SGCZ: variants seen among roughly 807,000 people sequenced by gnomAD.
SGCZ encodes the protein sarcoglycan zeta.
In SGCZ, 40 loss-of-function variants were observed where a neutral mutation model predicts 41.3. The ratio of observed to expected loss-of-function variants is 0.97; its 90% confidence interval spans 0.75 to 1.26. The LOEUF (loss-of-function observed/expected upper bound fraction) is 1.26, where lower values mean the gene tolerates loss of function less well. Among genes scored for constraint, SGCZ ranks in the 50% most tolerant of loss-of-function variants. The pLI, the probability that SGCZ is intolerant of heterozygous loss-of-function variation, is 0.00. For missense variants in SGCZ, 552 were observed against 369.8 expected (o/e 1.49, Z -4.04); for synonymous variants, 206 against 137.5 (o/e 1.50, Z -3.49).
chr8:14,950,728 C>G (rs992507281), intron 1 of SGCZ, among the ~76,000 whole-genome samples: 1 of 151,866 alleles, frequency 6.6e-6, no homozygotes, highest in Non-Finnish European at 1.5e-5. Context: ...CAAAGTAAAA[C>G]ATAAAGCAAT....
intron 1 of SGCZ, among the ~76,000 whole-genome samples, chr8:14,719,790 C>A (rs1348834627): frequency 6.6e-6 from 1 of 151,534 alleles, no homozygotes; most frequent in East Asian, 2.0e-4. Context: ...AAAATTTTCT[C>A]CCATTTTGTA....
chr8:14,692,442 T>C (rs1808829217), intron 1 of SGCZ, among the ~76,000 whole-genome samples: 1 of 152,096 alleles, frequency 6.6e-6, no homozygotes, highest in East Asian at 1.9e-4. Flanking sequence ...AATACCTACA[T>C]ACTATAATAC....
chr8:15,159,131 A>G (rs948845134), intron 1 of SGCZ, among the ~76,000 whole-genome samples: 5 of 152,190 alleles, frequency 3.3e-5, no homozygotes, highest in African/African-American at 4.8e-5. Flanking sequence ...TCAATGGCCA[A>G]TGATTTAATC....
chr8:14,204,282 T>TG (rs921285732), intron 4 of SGCZ, among the ~76,000 whole-genome samples: 1 of 150,596 alleles, frequency 6.6e-6, no homozygotes, highest in African/African-American at 2.4e-5. Flanking sequence ...CTCTGAATGT[T>TG]TTTTTTTTTT....
In SGCZ at chr8:14,495,373, T is replaced by A. The variant is rs952225009; in HGVS notation, c.234+59359A>T. 2.0e-5 allele frequency among the ~76,000 whole-genome samples: 3 copies of A among 152,180 alleles called. No individual in the cohort carries two copies. The East Asian group carries it at 5.8e-4, about 29-fold the overall frequency. ...TCTGCTGAATAAATTAGCATGCTTA[T>A]TGACATAACTGATTTGCAGACTGTA... On this transcript the variant is annotated intron_variant, in intron 2 of 7. Coordinates refer to ENST00000382080, the MANE Select transcript of SGCZ (RefSeq NM_139167.4).
intron 1 of SGCZ, among the ~76,000 whole-genome samples, chr8:14,825,288 G>A (rs750671047): frequency 2.6e-5 from 4 of 152,088 alleles, no homozygotes; most frequent in Non-Finnish European, 4.4e-5. Context: ...CTGTTCCTAT[G>A]TGTATCGTCA....
At chr8:14,098,827 T>C (rs1801924257) in intron 7 of SGCZ, among the ~76,000 whole-genome samples, 1 of 152,120 alleles carries the variant, frequency 6.6e-6, no homozygotes. Flanking sequence ...GAATCAAGCA[T>C]GAGCTATGGA....
At chr8:14,540,534 G>A (rs1171273229) in intron 2 of SGCZ, among the ~76,000 whole-genome samples, 4 of 151,086 alleles carry the variant, frequency 2.6e-5, no homozygotes, top group African/African-American at 9.7e-5. Flanking sequence ...GATTTTGGGG[G>A]TTGTTTCAAT....
In SGCZ at chr8:14,090,644, G is replaced by GA. The variant is rs777106851; in HGVS notation, c.745-8dup. On this transcript the variant is annotated splice_polypyrimidine_tract_variant and splice_region_variant and intron_variant, in intron 7 of 7. Coordinates refer to ENST00000382080, the MANE Select transcript of SGCZ (RefSeq NM_139167.4). ...TCTCTGCATTTAAAAATATCTATGG[G>GA]AAAAAAGAAATTGCATTTTAATTCA... The GA allele has an allele frequency of 3.7e-6, 6 of 1,603,484 alleles. No homozygotes were observed. The Admixed American group carries it at 5.2e-5, about 14-fold the overall frequency.
At chr8:14,426,842 G>C (rs1436719730) in intron 2 of SGCZ, among the ~76,000 whole-genome samples, 1 of 152,100 alleles carries the variant, frequency 6.6e-6, no homozygotes, top group Non-Finnish European at 1.5e-5. Context: ...TGAAGGGATT[G>C]AATGGATCAA....
At chr8:14,291,469 A>T (rs1221702828) in intron 3 of SGCZ, among the ~76,000 whole-genome samples, 1 of 151,984 alleles carries the variant, frequency 6.6e-6, no homozygotes, top group Admixed American at 6.6e-5. Flanking sequence ...AGATTGCCAA[A>T]TTTATTTGTG....
At chr8:14,985,370 C>T (rs546422886) in intron 1 of SGCZ, among the ~76,000 whole-genome samples, 38 of 152,118 alleles carry the variant, frequency 2.5e-4, no homozygotes, top group South Asian at 1.7e-3. Flanking sequence ...CTTTCTCTGA[C>T]GAAAGGAGAA....
chr8:14,806,990 A>T lies in SGCZ; in HGVS notation c.40-252064T>A, dbSNP rs1305191587. 2.6e-5 allele frequency among the ~76,000 whole-genome samples: 4 copies of T among 152,196 alleles called. No homozygotes were observed. In the East Asian group the frequency reaches 7.7e-4, roughly 29 times the overall value. On this transcript the variant is annotated intron_variant, in intron 1 of 7. Transcript: ENST00000382080. ...AGCCAAAGACAAAAACCACATGATT[A>T]TCTCAATAGATGCAGAAAAGGCCTT...
At chr8:14,584,433 A>G (rs570492129) in intron 1 of SGCZ, among the ~76,000 whole-genome samples, 44 of 152,232 alleles carry the variant, frequency 2.9e-4, no homozygotes, top group African/African-American at 1.0e-3. Flanking sequence ...TGTATGATAA[A>G]TAATGCATGT....
chr8:14,748,305 T>C (rs1468815191), intron 1 of SGCZ, among the ~76,000 whole-genome samples: 1 of 152,214 alleles, frequency 6.6e-6, no homozygotes, highest in Non-Finnish European at 1.5e-5. Context: ...CAGAATTCAA[T>C]GCCCATGCTT....
rs146465058 is a variant in SGCZ at position 14,686,990 on chromosome 8, T to C, written c.40-132064A>G. On this transcript the variant is annotated intron_variant, in intron 1 of 7. Coordinates refer to ENST00000382080, the MANE Select transcript of SGCZ (RefSeq NM_139167.4). ...AGTAATAATATTAAATATAGGACTA[T>C]TTACAGGATCACACCAAAACCAAGC... Among the ~76,000 whole-genome samples, 390 of 151,710 alleles carry C rather than the reference T, an allele frequency of 2.6e-3. 1 individual carries two copies. The highest frequency in any genetic ancestry group is 7.8e-3 in the African/African-American group (325 of 41,444).
intron 5 of SGCZ, among the ~76,000 whole-genome samples, chr8:14,140,452 G>A (rs146663040): frequency 0.17 from 25,814 of 152,050 alleles, 2,960 homozygotes; most frequent in East Asian, 0.6. Flanking sequence ...TCCTTAAGCT[G>A]ATAAGCAACT....
intron 1 of SGCZ, among the ~76,000 whole-genome samples, chr8:14,850,949 T>C (rs1361722953): frequency 6.6e-6 from 1 of 152,224 alleles, no homozygotes; most frequent in Non-Finnish European, 1.5e-5. Context: ...CAATTAAACC[T>C]CTTTCCTTTA....
At chr8:14,435,576 A>G (rs559046103) in intron 2 of SGCZ, among the ~76,000 whole-genome samples, 2 of 152,356 alleles carry the variant, frequency 1.3e-5, no homozygotes, top group South Asian at 2.1e-4. Context: ...CACGATAGTA[A>G]GTCAGCACAA....
Sources: allele counts gnomAD v4.1 joint callset (sites outside exome capture counted in the v4.1 genomes callset), GRCh38; gene constraint gnomAD v4.1.1; transcripts MANE v1.5; gene names NCBI Gene and HGNC (gene_info 2026-07-23, HGNC 2026-07-21).